The following TEAD1 variants were observed in gnomAD, a reference collection of about 807,000 sequenced individuals.
TEAD1 encodes TEA domain transcription factor 1, also known as transcriptional enhancer factor TEF-1.
TEAD1 carries 9 observed loss-of-function variants against 54.9 expected under a neutral mutation model. The observed-to-expected ratio is 0.16, with a 90% confidence interval of 0.10 to 0.29. The LOEUF (loss-of-function observed/expected upper bound fraction) is 0.29, where lower values mean the gene tolerates loss of function less well. Ranked by LOEUF, TEAD1 falls within the 10% of genes least tolerant of loss-of-function variation. The pLI is 1.00. For missense variants in TEAD1, 387 were observed against 535.9 expected (o/e 0.72, Z 2.74); for synonymous variants, 200 against 187.8 (o/e 1.07, Z -0.53).
At chr11:12,922,372 A>G (rs1227046310) in intron 10 of TEAD1, 1 of 55,568 alleles carries the variant, frequency 1.8e-5, no homozygotes, top group African/African-American at 6.9e-5. Flanking sequence ...AATTTTTTGT[A>G]TTTTTAGTAG....
In TEAD1 at chr11:12,674,686, G is replaced by A. The variant is rs989905066; in HGVS notation, c.-356G>A. On this transcript the variant is annotated 5_prime_UTR_variant, in exon 1 of 13. Transcript: ENST00000527636. ...CAGCCCAGCGCGCCAGCCGGCCCCGGGGCAGGAGCGGTGCTAGGCAGGGGT... is the reference window on the plus strand; with the variant it reads ...CAGCCCAGCGCGCCAGCCGGCCCCGAGGCAGGAGCGGTGCTAGGCAGGGGT... 1 of 151,434 alleles carries A rather than the reference G, an allele frequency of 6.6e-6. No homozygotes were observed. Among genetic ancestry groups the A allele is most frequent in the African/African-American group, 2.4e-5 (1 of 41,334 alleles). 9.4% of individuals were successfully genotyped at this position (151,434 alleles called of 1,614,324 possible).
chr11:12,688,185 AGCTTAG>A, intron 2 of TEAD1, among the ~76,000 whole-genome samples: 1 of 152,296 alleles, frequency 6.6e-6, no homozygotes, highest in African/African-American at 2.4e-5. Context: ...CCAGGTGACC[AGCTTAG>A]CCTGTGATAG....
chr11:12,737,528 C>T (rs1944562421), intron 2 of TEAD1, among the ~76,000 whole-genome samples: 2 of 152,122 alleles, frequency 1.3e-5, no homozygotes, highest in East Asian at 1.9e-4. Context: ...CTGTTTGGAG[C>T]TGTTCCGCAT....
In TEAD1 at chr11:12,809,392, G is replaced by A. The variant is rs75091507; in HGVS notation, c.202+44958G>A. Reference sequence around the variant, plus strand: ...AACCCATTGCTGTCCCCATTGACAGGGAGCATGTTAAGGGTAAGATGCTGC... The same window carrying A: ...AACCCATTGCTGTCCCCATTGACAGAGAGCATGTTAAGGGTAAGATGCTGC... On this transcript the variant is annotated intron_variant, in intron 3 of 12. Transcript: ENST00000527636. Among the ~76,000 whole-genome samples, 32 of 152,270 alleles carry A rather than the reference G, an allele frequency of 2.1e-4. No homozygotes were observed. In the East Asian group the frequency reaches 4.4e-3, roughly 21 times the overall value.
chr11:12,845,392 G>A (rs763898274), intron 3 of TEAD1, among the ~76,000 whole-genome samples: 8 of 152,110 alleles, frequency 5.3e-5, no homozygotes, highest in African/African-American at 7.2e-5. Context: ...GTGTGTGTGT[G>A]CGCACACGCA....
chr11:12,821,998 C>T (rs1385980943), intron 3 of TEAD1, among the ~76,000 whole-genome samples: 1 of 60,634 alleles, frequency 1.6e-5, no homozygotes, highest in African/African-American at 6.7e-5. Flanking sequence ...GAGTCTCTCT[C>T]TGTCACCCAG....
intron 10 of TEAD1, 23 bp downstream of exon 10, chr11:12,902,136 T>C: frequency 2.5e-6 from 4 of 1,614,196 alleles, no homozygotes; most frequent in Non-Finnish European, 2.5e-6. Flanking sequence ...TTGCTGTGAT[T>C]TCCGTGGTTT....
intron 2 of TEAD1, among the ~76,000 whole-genome samples, chr11:12,759,598 C>A (rs189887190): frequency 2.0e-5 from 3 of 152,268 alleles, no homozygotes; most frequent in African/African-American, 7.2e-5. Flanking sequence ...CGCGGTGGCT[C>A]ACGCCTGTAA....
chr11:12,732,886 C>T lies in TEAD1; in HGVS notation c.-54-31293C>T, dbSNP rs539744212. 3.9e-5 allele frequency among the ~76,000 whole-genome samples: 6 copies of T among 152,322 alleles called. No homozygotes were observed. The South Asian group carries it at 8.3e-4, about 21-fold the overall frequency. On this transcript the variant is annotated intron_variant, in intron 2 of 12. Transcript: ENST00000527636. ...AGATATAGAAAAAAGATTACCCTCT[C>T]TTTTTCTTTTTACATTATTGAGCTT... is the stretch of plus-strand genomic sequence containing the variant.
intron 2 of TEAD1, among the ~76,000 whole-genome samples, chr11:12,745,446 GTTC>G (rs1048017314): frequency 2.2e-4 from 34 of 152,086 alleles, no homozygotes; most frequent in Non-Finnish European, 2.8e-4. Context: ...CTGGTGATAA[GTTC>G]TTCTATGAAA....
intron 3 of TEAD1, among the ~76,000 whole-genome samples, chr11:12,836,486 G>T (rs1312435945): frequency 2.0e-5 from 3 of 152,010 alleles, no homozygotes; most frequent in African/African-American, 7.2e-5. Flanking sequence ...AGTGTAGTGT[G>T]GATGAGTTCA....
chr11:12,911,794 T>C (rs11022544), intron 10 of TEAD1, among the ~76,000 whole-genome samples: 26,264 of 151,722 alleles, frequency 0.17, 2,497 homozygotes, highest in Non-Finnish European at 0.22. Flanking sequence ...AAGAAAAATA[T>C]CTGGAGCTTG....
intron 3 of TEAD1, among the ~76,000 whole-genome samples, chr11:12,834,211 G>C (rs963599975): frequency 3.3e-5 from 5 of 152,244 alleles, no homozygotes; most frequent in African/African-American, 1.2e-4. Context: ...GACGTTTGTA[G>C]AGGGGAGGGT....
chr11:12,929,285 C>A (rs1393282595), intron 11 of TEAD1, among the ~76,000 whole-genome samples: 1 of 151,256 alleles, frequency 6.6e-6, no homozygotes, highest in African/African-American at 2.4e-5. Context: ...TCTTTTTTCT[C>A]CTTTTTACTT....
At chr11:12,782,152 A>G (rs1001647076) in intron 3 of TEAD1, among the ~76,000 whole-genome samples, 2 of 152,128 alleles carry the variant, frequency 1.3e-5, no homozygotes, top group East Asian at 1.9e-4. Context: ...AAACTTGTAC[A>G]TGGATATTTA....
intron 2 of TEAD1, among the ~76,000 whole-genome samples, chr11:12,751,830 T>C (rs1432523539): frequency 6.6e-6 from 1 of 152,136 alleles, no homozygotes; most frequent in Non-Finnish European, 1.5e-5. Context: ...GACTTAGGAA[T>C]GAAACCAAAC....
At position 12,937,127 on chromosome 11, in the gene TEAD1, A is replaced by G. The variant is rs1444302378; in HGVS notation, c.1186A>G (p.Thr396Ala). 1 of 1,613,730 alleles carries G rather than the reference A, an allele frequency of 6.2e-7. No homozygotes were observed. The highest frequency in any genetic ancestry group is 1.7e-5 in the Admixed American group (1 of 60,014). The stretch of plus-strand genomic sequence containing the variant: ...TTAACAGGTGGTAACAAACAGGGAT[A>G]CACAAGAAACTCTACTCTGCATGGC... The change falls in exon 13 of 13, where the codon ACA (threonine) becomes GCA (alanine). Residue 396 changes from threonine to alanine, a missense_variant. By Grantham distance (58) the Thr-to-Ala change is moderately conservative. Transcript: ENST00000527636.
intron 3 of TEAD1, among the ~76,000 whole-genome samples, chr11:12,805,221 T>C (rs1342262219): frequency 6.6e-6 from 1 of 152,212 alleles, no homozygotes; most frequent in African/African-American, 2.4e-5. Context: ...GTCATCTGCC[T>C]GCAAGACACA....
chr11:12,836,095 A>C (rs1946885128), intron 3 of TEAD1, among the ~76,000 whole-genome samples: 1 of 152,106 alleles, frequency 6.6e-6, no homozygotes, highest in Non-Finnish European at 1.5e-5. Flanking sequence ...TGATATCACA[A>C]ATTTATCTGT....
Sources: gnomAD v4.1 joint callset for allele counts (sites outside exome capture counted in the v4.1 genomes callset) on GRCh38, gnomAD v4.1.1 for gene constraint, MANE v1.5 for transcripts, NCBI Gene and HGNC (gene_info 2026-07-23, HGNC 2026-07-21) for gene names.